TASP1: variants seen among roughly 807,000 people sequenced by gnomAD.
TASP1 encodes the protein threonine aspartase 1.
TASP1 carries 16 observed loss-of-function variants against 56.6 expected under a neutral mutation model. That is an observed-to-expected ratio of 0.28 (90% CI 0.19 to 0.43). The LOEUF is 0.43. Ranked by LOEUF, TASP1 falls within the 20% of genes least tolerant of loss-of-function variation. TASP1 has a pLI of 1.00. For missense variants in TASP1, 393 were observed against 511.6 expected (o/e 0.77, Z 2.24); for synonymous variants, 179 against 184.2 (o/e 0.97, Z 0.23).
At chr20:13,461,281 C>T (rs568885669) in intron 11 of TASP1, among the ~76,000 whole-genome samples, 1 of 152,074 alleles carries the variant, frequency 6.6e-6, no homozygotes, top group Non-Finnish European at 1.5e-5. Context: ...ACCTTTTGTA[C>T]TTCATTTTTC....
intron 12 of TASP1, among the ~76,000 whole-genome samples, chr20:13,431,981 G>A (rs775207839): frequency 2.8e-4 from 43 of 152,154 alleles, no homozygotes; most frequent in Non-Finnish European, 5.3e-4. Flanking sequence ...CTCCATGACT[G>A]TAAGAAATAA....
chr20:13,577,959 A>G (rs1229374959), intron 6 of TASP1, among the ~76,000 whole-genome samples: 2 of 152,234 alleles, frequency 1.3e-5, no homozygotes, highest in Non-Finnish European at 2.9e-5. Context: ...TTCTACAAGC[A>G]ACAATGCTAT....
the TASP1 span, chr20:13,167,058 T>C: frequency 5.9e-5 from 9 of 152,154 alleles, no homozygotes; most frequent in African/African-American, 1.7e-4. Context: ...TGAGAACAAC[T>C]GTTGATATAC....
chr20:13,453,065 G>T (rs2043683624), intron 11 of TASP1, among the ~76,000 whole-genome samples: 1 of 152,072 alleles, frequency 6.6e-6, no homozygotes, highest in Non-Finnish European at 1.5e-5. Flanking sequence ...ATTAACGAAA[G>T]GAGCCAAGAA....
At chr20:13,144,632 A>G in the TASP1 span, among the ~76,000 whole-genome samples, 1 of 152,222 alleles carries the variant, frequency 6.6e-6, no homozygotes, top group African/African-American at 2.4e-5. Flanking sequence ...AACACTATAT[A>G]ATTTGTTACT....
the TASP1 span, among the ~76,000 whole-genome samples, chr20:13,318,781 C>T: frequency 1.3e-5 from 2 of 152,152 alleles, no homozygotes; most frequent in African/African-American, 4.8e-5. Flanking sequence ...TCTAAAGAGG[C>T]TACCTACACT....
chr20:13,124,088 T>A, the TASP1 span, among the ~76,000 whole-genome samples: 1 of 152,196 alleles, frequency 6.6e-6, no homozygotes, highest in African/African-American at 2.4e-5. Flanking sequence ...GCCAGCATCA[T>A]GCACATACTC....
the TASP1 span, among the ~76,000 whole-genome samples, chr20:13,360,746 T>C: frequency 6.6e-6 from 1 of 152,206 alleles, no homozygotes; most frequent in Non-Finnish European, 1.5e-5. Flanking sequence ...CCTTCAGCTG[T>C]ACTCACTCCT....
the TASP1 span, among the ~76,000 whole-genome samples, chr20:13,312,750 A>G: frequency 6.6e-6 from 1 of 152,154 alleles, no homozygotes; most frequent in South Asian, 2.1e-4. Context: ...CTGGGAAATC[A>G]TCACACTTAG....
intron 11 of TASP1, among the ~76,000 whole-genome samples, chr20:13,451,691 T>C (rs1347860085): frequency 6.6e-6 from 1 of 152,078 alleles, no homozygotes. Flanking sequence ...AGATGTTCTA[T>C]CCCCATACCA....
At chr20:13,311,216 T>TTA in the TASP1 span, among the ~76,000 whole-genome samples, 2 of 133,298 alleles carry the variant, frequency 1.5e-5, no homozygotes, top group East Asian at 4.1e-4. Context: ...TATAGATAGA[T>TTA]GATAGATAGA....
chr20:13,145,714 G>T, the TASP1 span, among the ~76,000 whole-genome samples: 1 of 152,130 alleles, frequency 6.6e-6, no homozygotes, highest in African/African-American at 2.4e-5. Context: ...AAAGCTGGAG[G>T]CATCATGTTA....
At chr20:13,292,625 A>G in the TASP1 span, among the ~76,000 whole-genome samples, 1 of 152,162 alleles carries the variant, frequency 6.6e-6, no homozygotes, top group Non-Finnish European at 1.5e-5. Context: ...ACTTCAAGCA[A>G]GAGAAAACAG....
the TASP1 span, among the ~76,000 whole-genome samples, chr20:13,370,845 C>G: frequency 6.6e-6 from 1 of 152,054 alleles, no homozygotes; most frequent in Non-Finnish European, 1.5e-5. Context: ...AATATCAGTA[C>G]TTGTTATAGG....
intron 8 of TASP1, among the ~76,000 whole-genome samples, chr20:13,534,913 A>T (rs2146902811): frequency 6.6e-6 from 1 of 152,324 alleles, no homozygotes; most frequent in South Asian, 2.1e-4. Flanking sequence ...TGATTAAGGG[A>T]GGCAAGAAAA....
At chr20:13,544,238 C>T (rs1301123080) in intron 8 of TASP1, among the ~76,000 whole-genome samples, 1 of 152,188 alleles carries the variant, frequency 6.6e-6, no homozygotes, top group Non-Finnish European at 1.5e-5. Flanking sequence ...AAATTCTTTA[C>T]TGCCCTCCCA....
chr20:13,338,904 T>G, the TASP1 span, among the ~76,000 whole-genome samples: 1 of 151,986 alleles, frequency 6.6e-6, no homozygotes, highest in African/African-American at 2.4e-5. Flanking sequence ...CCATCACCAA[T>G]ACACCTACAC....
rs924480730 is a variant in TASP1 at position 13,512,217 on chromosome 20, T to C, written c.874+16216A>G. On this transcript the variant is annotated intron_variant, in intron 10 of 13. Coordinates refer to ENST00000337743, the MANE Select transcript of TASP1 (RefSeq NM_017714.3). Reference sequence around the variant, plus strand: ...CAATGGTTGAACTAGTTTACAGTCCTACCAACAGTGTAAAAGTGTTCCTAT... The same window carrying C: ...CAATGGTTGAACTAGTTTACAGTCCCACCAACAGTGTAAAAGTGTTCCTAT... Among the ~76,000 whole-genome samples, 69 of 152,178 alleles carry C rather than the reference T, an allele frequency of 4.5e-4. 1 individual carries two copies. Among genetic ancestry groups the C allele is most frequent in the South Asian group, 2.9e-3 (14 of 4,822 alleles).
At chr20:13,141,441 T>C in the TASP1 span, among the ~76,000 whole-genome samples, 2 of 152,236 alleles carry the variant, frequency 1.3e-5, no homozygotes, top group African/African-American at 2.4e-5. Flanking sequence ...TCTCAGTGTC[T>C]ACCTTGGAAG....
Sources: allele counts gnomAD v4.1 joint callset (sites outside exome capture counted in the v4.1 genomes callset), GRCh38; gene constraint gnomAD v4.1.1; transcripts MANE v1.5; gene names NCBI Gene and HGNC (gene_info 2026-07-23, HGNC 2026-07-21).